The following SNX9 variants were observed in gnomAD, a reference collection of about 807,000 sequenced individuals.
SNX9 encodes sorting nexin-9.
Under a neutral mutation model 89.4 loss-of-function variants are expected in SNX9, and 44 were observed. That is an observed-to-expected ratio of 0.49 (90% CI 0.39 to 0.63). The LOEUF (loss-of-function observed/expected upper bound fraction) is 0.63. Ranked by LOEUF, SNX9 falls within the 30% of genes least tolerant of loss-of-function variation. The pLI is 0.00. For missense variants in SNX9, 578 were observed against 736.1 expected, an observed-to-expected ratio of 0.79 and a Z score of 2.49; for synonymous variants, 236 against 247.8, an observed-to-expected ratio of 0.95 and a Z score of 0.45.
intron 12 of SNX9, among the ~76,000 whole-genome samples, chr6:157,931,039 C>G (rs779882877): frequency 1.3e-5 from 2 of 152,202 alleles, no homozygotes; most frequent in Non-Finnish European, 2.9e-5. Context: ...GTGTAATTCA[C>G]AAGGCTAAAT....
intron 15 of SNX9, among the ~76,000 whole-genome samples, chr6:157,938,010 A>T (rs979052145): frequency 2.0e-5 from 3 of 152,254 alleles, no homozygotes; most frequent in African/African-American, 7.2e-5. Flanking sequence ...GCAGCATCAG[A>T]GTTGTAGGCC....
intron 1 of SNX9, among the ~76,000 whole-genome samples, chr6:157,826,791 T>TAATATATAA (rs1562585826): frequency 2.5e-5 from 3 of 119,106 alleles, no homozygotes; most frequent in African/African-American, 1.2e-4. Context: ...TTATATTATA[T>TAATATATAA]ATATATATTA....
chr6:157,905,826 T>C (rs1306265466), intron 6 of SNX9, among the ~76,000 whole-genome samples: 3 of 152,198 alleles, frequency 2.0e-5, no homozygotes, highest in African/African-American at 7.2e-5. Flanking sequence ...GGGGGCGTTT[T>C]TTCAGGTCTG....
In SNX9 at chr6:157,823,400, G is replaced by C. The variant is rs980210888; in HGVS notation, c.-35G>C. ...AATCACCATCCGCGGCGCGGGAGAC[G>C]AGCCGGCCGTCCCGGGCCGGGGGAC... On this transcript the variant is annotated 5_prime_UTR_variant, in exon 1 of 18. Coordinates refer to ENST00000392185, the MANE Select transcript of SNX9 (RefSeq NM_016224.5). This position sits in a 1 kb window ranked among gnomAD's most constrained non-coding sequence, Gnocchi z 4.6. 1.6e-6 allele frequency: 2 copies of C among 1,272,100 alleles called. No individual in the cohort carries two copies. Among genetic ancestry groups the C allele is most frequent in the Non-Finnish European group, 2.0e-6 (2 of 1,002,016 alleles). 78.8% of individuals were successfully genotyped at this position (1,272,100 alleles called of 1,614,324 possible). A position where few individuals can be genotyped will look rare whatever the true frequency, so the allele number is the denominator to read the frequency against.
intron 4 of SNX9, among the ~76,000 whole-genome samples, chr6:157,878,656 C>T (rs1418066121): frequency 1.3e-5 from 2 of 152,170 alleles, no homozygotes; most frequent in African/African-American, 4.8e-5. Context: ...TGGTCTCAAA[C>T]TCCTGACCTT....
intron 1 of SNX9, among the ~76,000 whole-genome samples, chr6:157,842,489 C>T (rs941280566): frequency 7.0e-4 from 107 of 152,122 alleles, no homozygotes; most frequent in African/African-American, 2.5e-3. Context: ...GAGTAATTCA[C>T]GTAGAGCTGG....
chr6:157,906,119 CATG>C lies in SNX9; in HGVS notation c.621-6_621-4del. ...CTTAAGACTGATGAACATTTATATT[CATG>C]ATTAGATTTCCTGGATTTGCGAAAC... On this transcript the variant is annotated splice_region_variant and splice_polypyrimidine_tract_variant and intron_variant, in intron 6 of 17. Transcript: ENST00000392185. The C allele has an allele frequency of 6.2e-7, 1 of 1,607,474 alleles. No individual in the cohort carries two copies. Among genetic ancestry groups the C allele is most frequent in the Non-Finnish European group, 8.5e-7 (1 of 1,176,756 alleles).
intron 1 of SNX9, among the ~76,000 whole-genome samples, chr6:157,856,428 A>G (rs1379833752): frequency 6.6e-6 from 1 of 152,220 alleles, no homozygotes; most frequent in East Asian, 1.9e-4. Flanking sequence ...TTCATCTGTA[A>G]GTATTTTCAT....
chr6:157,874,904 T>C (rs1782485914), intron 3 of SNX9, 147 bp from the exon 4 acceptor site: 3 of 742,828 alleles, frequency 4.0e-6, no homozygotes, highest in Non-Finnish European at 6.1e-6. Flanking sequence ...CCCATTAAAA[T>C]ATGAGTATGC....
intron 4 of SNX9, among the ~76,000 whole-genome samples, chr6:157,894,770 A>G (rs1782945456): frequency 6.6e-6 from 1 of 152,234 alleles, no homozygotes; most frequent in Non-Finnish European, 1.5e-5. Context: ...TTCTCTTTCA[A>G]AAGCAATTTG....
At chr6:157,921,900 G>A (rs1268102134) in intron 10 of SNX9, among the ~76,000 whole-genome samples, 2 of 152,200 alleles carry the variant, frequency 1.3e-5, no homozygotes, top group African/African-American at 2.4e-5. Context: ...ATGGGCAGGG[G>A]CAGGGTGAGG....
In SNX9 at chr6:157,940,743, A is replaced by T; in HGVS notation, c.1649-140A>T. On this transcript the variant is annotated intron_variant, in intron 16 of 17. Coordinates refer to ENST00000392185, the MANE Select transcript of SNX9 (RefSeq NM_016224.5). ...AACTTGTTTTTCTAACCTCTTAGTA[A>T]AGTGATTTACCAAGAACTGACAACA... is the stretch of plus-strand genomic sequence containing the variant. 7 of 690,740 alleles carry T rather than the reference A, an allele frequency of 1.0e-5. No homozygotes were observed. The South Asian group carries it at 1.1e-4, about 11-fold the overall frequency. 42.8% of individuals were successfully genotyped at this position (690,740 alleles called of 1,614,324 possible).
intron 1 of SNX9, among the ~76,000 whole-genome samples, chr6:157,838,459 G>A (rs192337575): frequency 1.3e-5 from 2 of 152,292 alleles, no homozygotes; most frequent in Non-Finnish European, 2.9e-5. Flanking sequence ...TACGGTTGCT[G>A]TGGTAAAAGT....
rs1172306025 is a variant in SNX9 at position 157,909,975 on chromosome 6, A to G, written c.899A>G (p.Lys300Arg). Residue 300 changes from lysine to arginine, a missense_variant, in exon 9 of 18, where the codon AAG (lysine) becomes AGG (arginine). Around this residue, in one of 2 missense-constraint regions of SNX9, gnomAD observed 348 missense variants for 491.4 expected, o/e 0.71. Transcript: ENST00000392185. ...FDWLYERLLV[K>R]FGSAIPIPSL... is the part of the protein sequence containing the mutation. ...TGGTTATATGAGCGTCTCCTGGTTA[A>G]GTTTGGGTCAGCCATTCCAATCCCT... 1.4e-5 allele frequency: 23 copies of G among 1,614,064 alleles called. No individual in the cohort carries two copies. The highest frequency in any genetic ancestry group is 2.7e-5 in the African/African-American group (2 of 74,936).
chr6:157,835,213 A>G (rs1048311402), intron 1 of SNX9, among the ~76,000 whole-genome samples: 10 of 152,022 alleles, frequency 6.6e-5, no homozygotes, highest in African/African-American at 1.9e-4. Flanking sequence ...GGGTTTCACC[A>G]TATTGGCCAG....
intron 4 of SNX9, among the ~76,000 whole-genome samples, chr6:157,877,800 C>T (rs904596800): frequency 8.5e-5 from 13 of 152,142 alleles, no homozygotes; most frequent in African/African-American, 2.7e-4. Flanking sequence ...CTGCCAACTT[C>T]TGAGCCAGTG....
At chr6:157,902,366 A>G (rs1783122707) in intron 6 of SNX9, among the ~76,000 whole-genome samples, 1 of 152,238 alleles carries the variant, frequency 6.6e-6, no homozygotes, top group Admixed American at 6.5e-5. Context: ...TAAAAAGAAT[A>G]ATAATAACAA....
intron 11 of SNX9, 36 bp from the exon 12 acceptor site, chr6:157,928,562 TC>T: frequency 6.5e-7 from 1 of 1,530,338 alleles, no homozygotes; most frequent in Non-Finnish European, 8.9e-7. Flanking sequence ...GTGCTGTTTC[TC>T]CTGCTTATGT....
chr6:157,940,398 A>G (rs140563665), intron 16 of SNX9, among the ~76,000 whole-genome samples: 196 of 152,312 alleles, frequency 1.3e-3, no homozygotes, highest in African/African-American at 4.6e-3. Context: ...CTGGAAAGTA[A>G]TGTTTGTCAT....
Sources: allele counts gnomAD v4.1 joint callset (sites outside exome capture counted in the v4.1 genomes callset), GRCh38; gene constraint gnomAD v4.1.1; regional missense constraint gnomAD v4.1.1; non-coding constraint Gnocchi (gnomAD v3.1); transcripts MANE v1.5; gene names NCBI Gene and HGNC (gene_info 2026-07-23, HGNC 2026-07-21).